Variants in DHX37 observed in about 807,000 individuals in gnomAD.
DHX37 encodes the protein probable ATP-dependent RNA helicase DHX37.
In DHX37, 52 loss-of-function variants were observed where a neutral mutation model predicts 134.3. That is an observed-to-expected ratio of 0.39 (90% confidence interval 0.31 to 0.49). DHX37 has a LOEUF of 0.49. Ranked by LOEUF, DHX37 falls within the 20% of genes least tolerant of loss-of-function variation. DHX37 has a pLI of 0.93. For synonymous variants in DHX37, 634 were observed against 670.7 expected (o/e 0.95, Z 0.85); for missense variants, 1,344 against 1,580.8 (o/e 0.85, Z 2.54).
chr12:124,965,890 G>A, intron 12 of DHX37, 78 bp from the exon 13 acceptor site: 1 of 1,539,652 alleles, frequency 6.5e-7, no homozygotes, highest in Non-Finnish European at 8.8e-7. Flanking sequence ...GAAGACAGGT[G>A]CCCTCGCATG....
At chr12:124,954,324 G>C in intron 18 of DHX37, 113 bp from the exon 19 acceptor site, 1 of 1,441,326 alleles carries the variant, frequency 6.9e-7, no homozygotes, top group Non-Finnish European at 9.2e-7. Flanking sequence ...TGGGGTCACT[G>C]ATGAATGTAA....
rs924451752 is a variant in DHX37 at position 124,968,472 on chromosome 12, C to T, written c.1408+62G>A. 56 of 1,593,724 alleles carry T rather than the reference C, an allele frequency of 3.5e-5. No individual in the cohort carries two copies. In the South Asian group the frequency reaches 3.8e-4, roughly 11 times the overall value. ...ACTCGGAGATGGGCCCTCCCACACT[C>T]GTGCTTTCAGCGAGGGTTTAGGAAG... On this transcript the variant is annotated intron_variant, in intron 10 of 26. Transcript: ENST00000308736.
chr12:124,988,730 T>A (rs186823073), intron 1 of DHX37, among the ~76,000 whole-genome samples, 187 bp downstream of exon 1: 6 of 152,080 alleles, frequency 3.9e-5, no homozygotes, highest in African/African-American at 1.4e-4. Flanking sequence ...GTATTCCATA[T>A]ACACTGTTAA....
chr12:124,965,993 A>C (rs1354638058), intron 12 of DHX37, among the ~76,000 whole-genome samples, 181 bp from the exon 13 acceptor site: 1 of 152,138 alleles, frequency 6.6e-6, no homozygotes, highest in Non-Finnish European at 1.5e-5. Context: ...AACATTGGGG[A>C]CTATCATAGA....
intron 3 of DHX37, among the ~76,000 whole-genome samples, chr12:124,981,473 C>T (rs915903692): frequency 2.0e-5 from 3 of 152,154 alleles, no homozygotes; most frequent in African/African-American, 4.8e-5. Context: ...TTCACCTTGT[C>T]GCCCAGGACG....
At chr12:124,961,243 C>A (rs577343304) in intron 15 of DHX37, among the ~76,000 whole-genome samples, 1 of 137,194 alleles carries the variant, frequency 7.3e-6, no homozygotes, top group Non-Finnish European at 1.5e-5. Context: ...CACACATACA[C>A]GCGTGCACGC....
chr12:124,954,684 C>T (rs994221934), intron 18 of DHX37, among the ~76,000 whole-genome samples: 2 of 152,202 alleles, frequency 1.3e-5, no homozygotes, highest in African/African-American at 4.8e-5. Flanking sequence ...AGGCATGAGC[C>T]ACCGTGCCCG....
chr12:124,973,963 T>TC (rs1565889228), intron 6 of DHX37, among the ~76,000 whole-genome samples: 1 of 148,614 alleles, frequency 6.7e-6, no homozygotes, highest in African/African-American at 2.5e-5. Context: ...TTTTTTTTTT[T>TC]CTGAGACGGA....
At position 124,964,642 on chromosome 12, in the gene DHX37, G is replaced by T; in HGVS notation, c.1813-16C>A. Reference sequence around the variant, plus strand: ...GCTTAAAGACCTAGGATTCGGGGAAGGGATGGCAGGAAAACACCAGAATCA... The same window carrying T: ...GCTTAAAGACCTAGGATTCGGGGAATGGATGGCAGGAAAACACCAGAATCA... On this transcript the variant is annotated splice_polypyrimidine_tract_variant and intron_variant, in intron 14 of 26. Coordinates refer to ENST00000308736, the MANE Select transcript of DHX37 (RefSeq NM_032656.4). The T allele has an allele frequency of 6.2e-7, 1 of 1,605,348 alleles. No homozygotes were observed. The highest frequency in any genetic ancestry group is 1.1e-5 in the South Asian group (1 of 90,090).
intron 5 of DHX37, among the ~76,000 whole-genome samples, chr12:124,975,743 G>A (rs978775756): frequency 2.0e-5 from 3 of 152,228 alleles, no homozygotes; most frequent in African/African-American, 7.2e-5. Context: ...GCCGCTAGAA[G>A]GAACGGGGCC....
At chr12:124,976,535 A>T (rs1329885794) in intron 5 of DHX37, among the ~76,000 whole-genome samples, 1 of 152,124 alleles carries the variant, frequency 6.6e-6, no homozygotes, top group African/African-American at 2.4e-5. Context: ...AACACGGTGA[A>T]ACTCTGTCTC....
Position 124,988,977 on chromosome 12 carries a change from C to T in DHX37, c.46G>A (p.Ala16Thr). The T allele has an allele frequency of 7.4e-7, 1 of 1,355,530 alleles. No individual in the cohort carries two copies. The highest frequency in any genetic ancestry group is 9.6e-7 in the Non-Finnish European group (1 of 1,045,560). The allele number at this position is 1,355,530 out of a possible 1,614,324, so 84.0% of individuals were successfully genotyped here. A position where few individuals can be genotyped will look rare whatever the true frequency, so the allele number is the denominator to read the frequency against. ...RRYNIKGRQQ[A>T]GPGPSKGPPE... Reference sequence around the variant, plus strand: ...GGGCCCTTCGAGGGTCCGGGGCCCGCCTGCTGGCGCCCCTTGATGTTGTAG... The same window carrying T: ...GGGCCCTTCGAGGGTCCGGGGCCCGTCTGCTGGCGCCCCTTGATGTTGTAG... Residue 16 changes from alanine to threonine, a missense_variant, in exon 1 of 27, where the codon GCG becomes ACG. Around this residue, in one of 7 missense-constraint regions of DHX37, gnomAD observed 319 missense variants for 296.1 expected, o/e 1.08. Coordinates refer to ENST00000308736, the MANE Select transcript of DHX37 (RefSeq NM_032656.4).
intron 14 of DHX37, 149 bp downstream of exon 14, chr12:124,964,781 C>G: frequency 6.9e-7 from 1 of 1,444,762 alleles, no homozygotes; most frequent in South Asian, 1.4e-5. Context: ...GGGAGGGTTC[C>G]CTATTCTCCA....
intron 1 of DHX37, among the ~76,000 whole-genome samples, chr12:124,986,691 A>T (rs1328217852): frequency 6.6e-6 from 1 of 151,726 alleles, no homozygotes; most frequent in Non-Finnish European, 1.5e-5. Context: ...AGCCTGGGCG[A>T]CAGGGTGAGA....
chr12:124,954,099 T>C lies in DHX37; in HGVS notation c.2566A>G (p.Met856Val). Residue 856 changes from methionine (M) to valine (V), a missense_variant, in exon 19 of 27, where the codon ATG becomes GTG. Physicochemically the swap from Met to Val is conservative, Grantham distance 21. Transcript: ENST00000308736. ...QGASLKLGDLMVLLGAVGACE... is the reference protein window; with the variant it reads ...QGASLKLGDLVVLLGAVGACE... The stretch of plus-strand genomic sequence containing the variant: ...GCAGGGCACAAACCCAGCAGCACCA[T>C]GAGGTCGCCGAGCTTCAGAGAAGCC... 1.2e-6 allele frequency: 2 copies of C among 1,609,628 alleles called. No homozygotes were observed. The highest frequency in any genetic ancestry group is 1.7e-6 in the Non-Finnish European group (2 of 1,177,538).
chr12:124,967,060 C>T, intron 11 of DHX37, 63 bp downstream of exon 11: 2 of 1,586,956 alleles, frequency 1.3e-6, no homozygotes, highest in East Asian at 4.5e-5. Context: ...GCACCCCAGC[C>T]AGGGAGCGCG....
chr12:124,955,036 A>G (rs899920184), intron 18 of DHX37, among the ~76,000 whole-genome samples: 1 of 152,232 alleles, frequency 6.6e-6, no homozygotes, highest in East Asian at 1.9e-4. Context: ...GAGCCTTGAC[A>G]CTAGCATCAC....
At chr12:124,985,109 G>A (rs1016759080) in intron 2 of DHX37, among the ~76,000 whole-genome samples, 2 of 152,154 alleles carry the variant, frequency 1.3e-5, no homozygotes, top group Non-Finnish European at 2.9e-5. Context: ...GAGGAGCACC[G>A]CCCTGCCAAT....
chr12:124,957,029 C>T lies in DHX37; in HGVS notation c.2264G>A (p.Arg755Lys), dbSNP rs759460846. 1.3e-6 allele frequency: 2 copies of T among 1,515,364 alleles called. No homozygotes were observed. The highest frequency in any genetic ancestry group is 1.8e-6 in the Non-Finnish European group (2 of 1,135,490). The allele number at this position is 1,515,364 out of a possible 1,614,324, so 93.9% of individuals were successfully genotyped here. Residue 755 changes from arginine (R) to lysine (K), a missense_variant and splice_region_variant, in exon 17 of 27, where the codon AGG (arginine) becomes AAG (lysine). Coordinates refer to ENST00000308736, the MANE Select transcript of DHX37 (RefSeq NM_032656.4). ...GALQPPQKAE[R>K]VKQLQENRLS... ...TGGGCTCTGCATCTCTTGGCCTTAC[C>T]TTTCTGCTTTCTGGGGCGGTTGCAG...
Sources: gnomAD v4.1 joint callset for allele counts (sites outside exome capture counted in the v4.1 genomes callset) on GRCh38, gnomAD v4.1.1 for gene constraint, gnomAD v4.1.1 regional missense constraint, MANE v1.5 for transcripts, NCBI Gene and HGNC (gene_info 2026-07-23, HGNC 2026-07-21) for gene names.